Variants in FOXP1 observed in about 807,000 individuals in gnomAD.
FOXP1 encodes forkhead box P1.
In FOXP1, 15 loss-of-function variants were observed where a neutral mutation model predicts 98.2. The ratio of observed to expected loss-of-function variants is 0.15; its 90% CI spans 0.10 to 0.24. FOXP1 has a LOEUF of 0.24. Ranked by LOEUF, FOXP1 falls within the 10% of genes least tolerant of loss-of-function variation. The pLI, the probability that FOXP1 is intolerant of heterozygous loss-of-function variation, is 1.00. For missense variants in FOXP1, 633 were observed against 848.5 expected (o/e 0.75, Z 3.15); for synonymous variants, 371 against 314.5 (o/e 1.18, Z -1.90).
Position 71,459,029 on chromosome 3 carries a change from C to T in FOXP1, c.-168+34397G>A, listed in dbSNP as rs528944508. On this transcript the variant is annotated intron_variant, in intron 3 of 20. Transcript: ENST00000649528. ...ATCAAGAAATTCTGGTGTTTCAAGG[C>T]TTTATTTTTTTTCTGCTCTCACTTT... 2.0e-5 allele frequency among the ~76,000 whole-genome samples: 3 copies of T among 152,150 alleles called. No homozygotes were observed. The South Asian group carries it at 6.2e-4, about 32-fold the overall frequency.
rs1211712312 is a variant in FOXP1, at chr3:70,971,203, T to G, written c.1653-398A>C. 1.4e-5 allele frequency: 4 copies of G among 289,414 alleles called. No homozygotes were observed. The East Asian group carries it at 3.5e-4, about 25-fold the overall frequency. 17.9% of individuals were successfully genotyped at this position (289,414 alleles called of 1,614,324 possible). ...CTGCTGGGCACGAGCAGAGAGAATC[T>G]TGGCTCCTAAGCATCTTTGAGATTT... On this transcript the variant is annotated intron_variant, in intron 18 of 20. Coordinates refer to ENST00000649528, the MANE Select transcript of FOXP1 (RefSeq NM_001349338.3).
At chr3:71,451,728 A>G (rs551223171) in intron 3 of FOXP1, among the ~76,000 whole-genome samples, 5 of 152,366 alleles carry the variant, frequency 3.3e-5, no homozygotes, top group African/African-American at 1.2e-4. Context: ...CAACACTGGG[A>G]CAAACACATC....
intron 3 of FOXP1, among the ~76,000 whole-genome samples, chr3:71,484,011 C>G (rs1054671409): frequency 4.6e-5 from 7 of 152,106 alleles, no homozygotes; most frequent in African/African-American, 1.7e-4. Flanking sequence ...TTTTGGTTCC[C>G]CTAATTTCTC....
chr3:71,077,099 G>C (rs759523692), intron 7 of FOXP1, among the ~76,000 whole-genome samples: 14 of 152,198 alleles, frequency 9.2e-5, no homozygotes, highest in Admixed American at 3.3e-4. Flanking sequence ...CAATTAAGTA[G>C]AACAAAGCTT....
At chr3:71,075,188 TG>T (rs1466333250) in intron 7 of FOXP1, among the ~76,000 whole-genome samples, 1 of 152,242 alleles carries the variant, frequency 6.6e-6, no homozygotes, top group Non-Finnish European at 1.5e-5. Flanking sequence ...ATTCTCTGGC[TG>T]TACATTTAGT....
At chr3:71,344,057 C>A (rs1022926686) in intron 4 of FOXP1, among the ~76,000 whole-genome samples, 3 of 152,216 alleles carry the variant, frequency 2.0e-5, no homozygotes, top group African/African-American at 7.2e-5. Flanking sequence ...CCCATCTGGG[C>A]ACTATCCCAC....
At chr3:71,341,508 C>T (rs1246135416) in intron 4 of FOXP1, among the ~76,000 whole-genome samples, 1 of 152,118 alleles carries the variant, frequency 6.6e-6, no homozygotes, top group Non-Finnish European at 1.5e-5. Context: ...GTGGCTAATG[C>T]CTGTAATCCT....
At chr3:71,299,080 T>A (rs904070989) in intron 5 of FOXP1, among the ~76,000 whole-genome samples, 2 of 152,210 alleles carry the variant, frequency 1.3e-5, no homozygotes, top group African/African-American at 4.8e-5. Context: ...GATCATTGCC[T>A]TTATCAGAGA....
chr3:71,023,956 G>A (rs1245481403), intron 11 of FOXP1, among the ~76,000 whole-genome samples: 1 of 152,218 alleles, frequency 6.6e-6, no homozygotes, highest in African/African-American at 2.4e-5. Flanking sequence ...CAATCTCAAA[G>A]AGATGATTCC....
chr3:71,042,132 T>C lies in FOXP1; in HGVS notation c.665-600A>G, dbSNP rs180944649. ...CTTCCTCATTAATTTTGGTTTCTAG[T>C]ACCACATGCTTAATTGATGGATGTG... is the stretch of plus-strand genomic sequence containing the variant. On this transcript the variant is annotated intron_variant, in intron 10 of 20. Coordinates refer to ENST00000649528, the MANE Select transcript of FOXP1 (RefSeq NM_001349338.3). Among the ~76,000 whole-genome samples, 82 of 152,332 alleles carry C rather than the reference T, an allele frequency of 5.4e-4. No homozygotes were observed. The East Asian group carries it at 0.014, about 26-fold the overall frequency.
At chr3:71,132,937 T>C (rs771716111) in intron 6 of FOXP1, among the ~76,000 whole-genome samples, 1 of 151,498 alleles carries the variant, frequency 6.6e-6, no homozygotes, top group Non-Finnish European at 1.5e-5. Context: ...CTTTGAACTG[T>C]ACTAGTTCAA....
At chr3:71,332,260 G>A (rs12492851) in intron 4 of FOXP1, 25,476 of 155,814 alleles carry the variant, frequency 0.16, 2,291 homozygotes, top group Non-Finnish European at 0.2. Context: ...CTCCAGACGC[G>A]CCGCCTTAAG....
At chr3:71,521,383 C>T (rs2042974081) in intron 2 of FOXP1, among the ~76,000 whole-genome samples, 1 of 152,000 alleles carries the variant, frequency 6.6e-6, no homozygotes, top group Non-Finnish European at 1.5e-5. Flanking sequence ...AAAAATTAGC[C>T]AGGTGTGGTG....
chr3:71,273,281 A>G (rs1286049833), intron 5 of FOXP1, among the ~76,000 whole-genome samples: 2 of 152,208 alleles, frequency 1.3e-5, no homozygotes, highest in Non-Finnish European at 2.9e-5. Context: ...CAATCAAATG[A>G]TAATTTGCAT....
chr3:71,349,343 C>T (rs1997479), intron 4 of FOXP1, among the ~76,000 whole-genome samples: 63,171 of 152,038 alleles, frequency 0.42, 15,526 homozygotes, highest in East Asian at 0.73. Context: ...TCAACAGTTA[C>T]CCATAAATGT....
intron 3 of FOXP1, among the ~76,000 whole-genome samples, chr3:71,369,418 G>A (rs1355204362): frequency 1.3e-5 from 2 of 151,958 alleles, no homozygotes; most frequent in Non-Finnish European, 2.9e-5. Context: ...AAACAGAAAC[G>A]GAGTCTCGCT....
intron 5 of FOXP1, among the ~76,000 whole-genome samples, chr3:71,245,797 A>G (rs1373971354): frequency 5.6e-4 from 83 of 148,886 alleles, no homozygotes; most frequent in Non-Finnish European, 3.0e-5. Flanking sequence ...TCCTCCAATC[A>G]CCACCCCCCC....
chr3:71,259,739 G>A (rs1174032865), intron 5 of FOXP1, among the ~76,000 whole-genome samples: 3 of 152,238 alleles, frequency 2.0e-5, no homozygotes, highest in South Asian at 4.1e-4. Flanking sequence ...CATATTAAGA[G>A]GAGGTGCCTA....
intron 6 of FOXP1, among the ~76,000 whole-genome samples, chr3:71,127,784 G>A (rs541667750): frequency 1.3e-5 from 2 of 152,286 alleles, no homozygotes; most frequent in Non-Finnish European, 2.9e-5. Context: ...TCCCTGGGGT[G>A]TTCTGAGTAT....
Sources: gnomAD v4.1 joint callset for allele counts (sites outside exome capture counted in the v4.1 genomes callset) on GRCh38, gnomAD v4.1.1 for gene constraint, MANE v1.5 for transcripts, NCBI Gene and HGNC (gene_info 2026-07-23, HGNC 2026-07-21) for gene names.